The following BTBD9 variants were observed in gnomAD, a reference collection of about 807,000 sequenced individuals.
The protein encoded by BTBD9 is BTB domain containing 9.
In BTBD9, 49 loss-of-function variants were observed where a neutral mutation model predicts 64.3. That is an observed-to-expected ratio of 0.76 (90% CI 0.61 to 0.97). The LOEUF (loss-of-function observed/expected upper bound fraction) is 0.97. Among genes scored for constraint, BTBD9 ranks in the 50% least tolerant of loss-of-function variants. The pLI is 0.00. For missense variants in BTBD9, 598 were observed against 762.1 expected (o/e 0.78, Z 2.53); for synonymous variants, 260 against 274.7 (o/e 0.95, Z 0.53).
chr6:38,343,559 G>A (rs1275442599), intron 7 of BTBD9, among the ~76,000 whole-genome samples: 1 of 152,054 alleles, frequency 6.6e-6, no homozygotes, highest in East Asian at 1.9e-4. Context: ...GAAGAGCCTG[G>A]ACAACAGGTG....
intron 6 of BTBD9, among the ~76,000 whole-genome samples, chr6:38,473,549 C>G (rs1289165093): frequency 2.0e-5 from 3 of 152,196 alleles, no homozygotes; most frequent in Non-Finnish European, 1.5e-5. Context: ...CTACTCTGCT[C>G]TTATCGGTAG....
intron 6 of BTBD9, among the ~76,000 whole-genome samples, chr6:38,476,430 T>C (rs1370036883): frequency 6.6e-6 from 1 of 152,190 alleles, no homozygotes; most frequent in Non-Finnish European, 1.5e-5. Flanking sequence ...TGAATAATTA[T>C]TCTGATAAAG....
At chr6:38,550,565 C>T (rs1441246887) in intron 6 of BTBD9, among the ~76,000 whole-genome samples, 1 of 152,112 alleles carries the variant, frequency 6.6e-6, no homozygotes, top group Non-Finnish European at 1.5e-5. Flanking sequence ...ATCTGCCCAC[C>T]TCAGCCTCCC....
intron 6 of BTBD9, among the ~76,000 whole-genome samples, chr6:38,562,856 G>A (rs905920119): frequency 6.6e-6 from 1 of 152,260 alleles, no homozygotes; most frequent in East Asian, 1.9e-4. Flanking sequence ...CTCAATGGGT[G>A]TATGCATGTT....
intron 6 of BTBD9, among the ~76,000 whole-genome samples, chr6:38,351,626 C>T (rs556644908): frequency 6.0e-5 from 9 of 150,534 alleles, no homozygotes; most frequent in Non-Finnish European, 1.3e-4. Context: ...CTCAGCCTCC[C>T]GAGTAGCTGG....
rs148664425 is a variant in BTBD9 at position 38,558,278 on chromosome 6, A to T, written c.1154+19322T>A. On this transcript the variant is annotated intron_variant, in intron 6 of 10. Transcript: ENST00000481247. ...TTCTTAAAAAAAAAAAAAATCTATC[A>T]GGTCTAGGAGCCTTTTGGTGGAGGC... Among the ~76,000 whole-genome samples, 720 of 151,632 alleles carry T rather than the reference A, an allele frequency of 4.7e-3. 4 individuals are homozygous for T. The highest frequency in any genetic ancestry group is 5.8e-3 in the Non-Finnish European group (394 of 67,912).
chr6:38,185,828 C>A (rs768283928), intron 10 of BTBD9, among the ~76,000 whole-genome samples: 18 of 152,166 alleles, frequency 1.2e-4, no homozygotes, highest in Non-Finnish European at 2.5e-4. Flanking sequence ...TATACGTATT[C>A]TTTGGTGTCT....
At chr6:38,266,300 C>T (rs1275273646) in intron 8 of BTBD9, among the ~76,000 whole-genome samples, 2 of 152,132 alleles carry the variant, frequency 1.3e-5, no homozygotes, top group Non-Finnish European at 2.9e-5. Context: ...CAGCCAGGCA[C>T]GGTGGCTCAC....
intron 8 of BTBD9, among the ~76,000 whole-genome samples, chr6:38,272,839 GA>G (rs35061376): frequency 0.7 from 106,048 of 151,294 alleles, 37,828 homozygotes; most frequent in African/African-American, 0.83. Context: ...GAAAGGAGAT[GA>G]ATACAGAAAG....
In BTBD9 at chr6:38,412,605, T is replaced by C. The variant is rs139845737; in HGVS notation, c.1155-67512A>G. On this transcript the variant is annotated intron_variant, in intron 6 of 10. Coordinates refer to ENST00000481247, the MANE Select transcript of BTBD9 (RefSeq NM_001099272.2). ...CAGGTGCGGTGGCTCACACCTGTAA[T>C]ACCAGCACTTTGGGAGGCTAAGGTA... 5.4e-3 allele frequency among the ~76,000 whole-genome samples: 810 copies of C among 149,562 alleles called. 8 individuals carry two copies. Among genetic ancestry groups the C allele is most frequent in the Non-Finnish European group, 9.0e-3 (612 of 67,676 alleles).
chr6:38,315,775 G>C (rs1156536977), intron 7 of BTBD9, among the ~76,000 whole-genome samples: 1 of 152,188 alleles, frequency 6.6e-6, no homozygotes, highest in Non-Finnish European at 1.5e-5. Flanking sequence ...GCAGAAGAAT[G>C]TGTATTCTGC....
chr6:38,387,430 G>T (rs1349861387), intron 6 of BTBD9, among the ~76,000 whole-genome samples: 1 of 152,230 alleles, frequency 6.6e-6, no homozygotes, highest in South Asian at 2.1e-4. Flanking sequence ...CCAGCTACTC[G>T]GGAGGCTGGG....
chr6:38,330,311 C>T (rs1340085451), intron 7 of BTBD9, among the ~76,000 whole-genome samples: 1 of 152,180 alleles, frequency 6.6e-6, no homozygotes, highest in Non-Finnish European at 1.5e-5. Flanking sequence ...TATTGGCCTC[C>T]CAAAGTGCTG....
chr6:38,246,896 G>A (rs1561922211), intron 9 of BTBD9, among the ~76,000 whole-genome samples: 2 of 152,188 alleles, frequency 1.3e-5, no homozygotes, highest in African/African-American at 2.4e-5. Context: ...AAACTAACAC[G>A]TCACCCAACT....
chr6:38,581,724 C>T (rs1050545491), intron 4 of BTBD9, among the ~76,000 whole-genome samples: 2 of 152,196 alleles, frequency 1.3e-5, no homozygotes, highest in African/African-American at 4.8e-5. Context: ...GAAGAAGTTT[C>T]CCTCTCTCAA....
intron 7 of BTBD9, among the ~76,000 whole-genome samples, chr6:38,308,882 C>A (rs1169318828): frequency 6.6e-6 from 1 of 151,914 alleles, no homozygotes; most frequent in Non-Finnish European, 1.5e-5. Flanking sequence ...CTCAGCCCCC[C>A]AAAGTGCTGG....
intron 6 of BTBD9, among the ~76,000 whole-genome samples, chr6:38,430,394 T>C (rs894184397): frequency 2.0e-5 from 3 of 151,552 alleles, no homozygotes; most frequent in African/African-American, 4.9e-5. Flanking sequence ...ACTTATGTTT[T>C]ATGGGTTTTG....
intron 6 of BTBD9, among the ~76,000 whole-genome samples, chr6:38,572,313 C>T (rs1478008552): frequency 1.3e-5 from 2 of 152,030 alleles, no homozygotes; most frequent in South Asian, 2.1e-4. Context: ...GGGTGAGTGA[C>T]GAATGAATAC....
intron 6 of BTBD9, among the ~76,000 whole-genome samples, chr6:38,395,067 G>A (rs890110618): frequency 2.0e-5 from 3 of 152,182 alleles, no homozygotes; most frequent in Non-Finnish European, 4.4e-5. Context: ...GAATTAGGAG[G>A]TGGGGGCTTT....
Sources: allele counts gnomAD v4.1 joint callset (sites outside exome capture counted in the v4.1 genomes callset), GRCh38; gene constraint gnomAD v4.1.1; transcripts MANE v1.5; gene names NCBI Gene and HGNC (gene_info 2026-07-23, HGNC 2026-07-21).